NRXN1: variants seen among roughly 807,000 people sequenced by gnomAD.
The protein encoded by NRXN1 is neurexin 1, also known as neurexin-1.
In NRXN1, 39 loss-of-function variants were observed where a neutral mutation model predicts 150.9. The observed-to-expected ratio is 0.26, with a 90% CI of 0.20 to 0.34. NRXN1 has a LOEUF of 0.34. Ranked by LOEUF, NRXN1 falls within the 10% of genes least tolerant of loss-of-function variation. The pLI is 1.00. For missense variants in NRXN1, 1,815 were observed against 1,949.9 expected, an observed-to-expected ratio of 0.93 and a Z score of 1.30; for synonymous variants, 924 against 757.0, an observed-to-expected ratio of 1.22 and a Z score of -3.62.
intron 21 of NRXN1, among the ~76,000 whole-genome samples, chr2:50,032,285 G>A (rs1573514478): frequency 6.6e-6 from 1 of 152,094 alleles, no homozygotes; most frequent in South Asian, 2.1e-4. Context: ...ATTTTCCTCA[G>A]CTTTCCTGGA....
At chr2:50,763,476 TAATA>T (rs749264741) in intron 5 of NRXN1, among the ~76,000 whole-genome samples, 13 of 151,964 alleles carry the variant, frequency 8.6e-5, no homozygotes, top group African/African-American at 1.7e-4. Context: ...AGAGCTTAAT[TAATA>T]GTTTCTCTTC....
At chr2:50,879,305 A>G (rs1200432560) in intron 5 of NRXN1, among the ~76,000 whole-genome samples, 1 of 151,914 alleles carries the variant, frequency 6.6e-6, no homozygotes, top group African/African-American at 2.4e-5. Flanking sequence ...GCCAGGCCCT[A>G]CATGAGCCAC....
intron 5 of NRXN1, among the ~76,000 whole-genome samples, chr2:50,888,502 A>G (rs1680596335): frequency 6.6e-6 from 1 of 151,406 alleles, no homozygotes; most frequent in South Asian, 2.1e-4. Flanking sequence ...AAAACAGTCT[A>G]GAGATTTTTT....
intron 5 of NRXN1, among the ~76,000 whole-genome samples, chr2:50,787,733 G>A (rs951414084): frequency 6.6e-5 from 10 of 151,244 alleles, no homozygotes; most frequent in Admixed American, 1.3e-4. Context: ...AAAAATCAGG[G>A]CTTTATAACA....
intron 5 of NRXN1, among the ~76,000 whole-genome samples, chr2:50,843,904 A>G (rs771863767): frequency 1.3e-5 from 2 of 152,110 alleles, no homozygotes; most frequent in Admixed American, 6.5e-5. Context: ...TCATTATCCA[A>G]TCTCAACCAA....
intron 17 of NRXN1, among the ~76,000 whole-genome samples, chr2:50,313,751 T>C (rs1447060072): frequency 6.6e-6 from 1 of 152,048 alleles, no homozygotes; most frequent in Non-Finnish European, 1.5e-5. Context: ...TCAGGATTGC[T>C]AGGATATTTA....
chr2:50,450,075 A>G (rs1217610878), intron 17 of NRXN1, among the ~76,000 whole-genome samples: 1 of 152,148 alleles, frequency 6.6e-6, no homozygotes, highest in Non-Finnish European at 1.5e-5. Flanking sequence ...GTAAATATAG[A>G]GTGTAGCAAA....
intron 5 of NRXN1, among the ~76,000 whole-genome samples, chr2:50,641,388 G>A (rs1684054518): frequency 6.6e-6 from 1 of 152,032 alleles, no homozygotes. Context: ...GGAAGAGTGG[G>A]CAGGTGGGTC....
At chr2:50,107,257 T>TAAAAAAA in intron 18 of NRXN1, among the ~76,000 whole-genome samples, 1 of 143,848 alleles carries the variant, frequency 7.0e-6, no homozygotes, top group Non-Finnish European at 1.5e-5. Flanking sequence ...TCTGATACAT[T>TAAAAAAA]AAAAAAAAAA....
chr2:50,029,103 A>G (rs1460756342), intron 21 of NRXN1, among the ~76,000 whole-genome samples: 2 of 152,160 alleles, frequency 1.3e-5, no homozygotes, highest in Non-Finnish European at 2.9e-5. Context: ...GGCTTCATGA[A>G]TGGAATTAGT....
chr2:50,736,143 A>T (rs1698716991), intron 5 of NRXN1, among the ~76,000 whole-genome samples: 1 of 152,126 alleles, frequency 6.6e-6, no homozygotes, highest in African/African-American at 2.4e-5. Context: ...GCTACTATGG[A>T]ACTTCATTTC....
chr2:51,003,097 T>C (rs1700274696), intron 2 of NRXN1, among the ~76,000 whole-genome samples: 1 of 152,030 alleles, frequency 6.6e-6, no homozygotes, highest in African/African-American at 2.4e-5. Context: ...TATCCAAGAA[T>C]ATCCTAAAAT....
chr2:50,551,314 A>G (rs1667507564), intron 9 of NRXN1: 1 of 152,070 alleles, frequency 6.6e-6, no homozygotes, highest in Admixed American at 6.6e-5. Flanking sequence ...CTCAATTTCC[A>G]TATATTCTAT....
Position 50,346,432 on chromosome 2 carries a change from A to G in NRXN1, c.3365-109462T>C, listed in dbSNP as rs932718764. Among the ~76,000 whole-genome samples the G allele has an allele frequency of 1.3e-5, 2 of 151,962 alleles. No individual in the cohort carries two copies. Among genetic ancestry groups the G allele is most frequent in the African/African-American group, 2.4e-5 (1 of 41,400 alleles). On this transcript the variant is annotated intron_variant, in intron 17 of 22. Coordinates refer to ENST00000401669, the MANE Select transcript of NRXN1 (RefSeq NM_001330078.2). This position sits in a 1 kb window ranked among gnomAD's most constrained non-coding sequence, Gnocchi z 5.0. ...GCCGCGCGACCAGGGCTGGTCCTTT[A>G]GTAGGTGTCCACATCTCTCTCCCAG...
At chr2:50,321,511 C>T (rs1024399842) in intron 17 of NRXN1, among the ~76,000 whole-genome samples, 12 of 152,070 alleles carry the variant, frequency 7.9e-5, no homozygotes, top group Non-Finnish European at 1.6e-4. Flanking sequence ...TTAAACAGTG[C>T]ATAGCTTTAT....
chr2:50,408,503 T>C (rs1265021508), intron 17 of NRXN1, among the ~76,000 whole-genome samples: 1 of 152,198 alleles, frequency 6.6e-6, no homozygotes, highest in East Asian at 1.9e-4. Context: ...CTGTAACCAC[T>C]CTGCACTACT....
At chr2:50,964,106 C>T (rs17572798) in intron 2 of NRXN1, 16,350 of 289,972 alleles carry the variant, frequency 0.056, 661 homozygotes, top group Non-Finnish European at 0.08. Flanking sequence ...ATTTCGACAA[C>T]GATTACAAAA....
chr2:50,257,918 T>A (rs1198613246), intron 17 of NRXN1, among the ~76,000 whole-genome samples: 3 of 151,998 alleles, frequency 2.0e-5, no homozygotes, highest in Non-Finnish European at 4.4e-5. Flanking sequence ...TCCCAGTGCA[T>A]ATAAAGGTTG....
At chr2:50,278,266 A>ATATATATATATTATATATAT (rs1273517072) in intron 17 of NRXN1, among the ~76,000 whole-genome samples, 1 of 92,512 alleles carries the variant, frequency 1.1e-5, no homozygotes, top group African/African-American at 4.4e-5. Context: ...TATATATATT[A>ATATATATATATTATATATAT]TATATGTATT....
Sources: gnomAD v4.1 joint callset for allele counts (sites outside exome capture counted in the v4.1 genomes callset) on GRCh38, gnomAD v4.1.1 for gene constraint, Gnocchi (gnomAD v3.1) non-coding constraint, MANE v1.5 for transcripts, NCBI Gene and HGNC (gene_info 2026-07-23, HGNC 2026-07-21) for gene names.